Variants in GSE1 observed in about 807,000 individuals in gnomAD.
The protein encoded by GSE1 is Gse1 coiled-coil protein, also known as genetic suppressor element 1.
GSE1 carries 32 observed loss-of-function variants against 112.6 expected under a neutral mutation model. The ratio of observed to expected loss-of-function variants is 0.28; its 90% CI spans 0.21 to 0.38. The LOEUF is 0.38. Ranked by LOEUF, GSE1 falls within the 10% of genes least tolerant of loss-of-function variation. The pLI, the probability that GSE1 is intolerant of heterozygous loss-of-function variation, is 1.00. For missense variants in GSE1, 2,348 were observed against 1,699.2 expected (o/e 1.38, Z -6.71); for synonymous variants, 1,115 against 735.6 (o/e 1.52, Z -8.35).
intron 2 of GSE1, among the ~76,000 whole-genome samples, chr16:85,478,653 A>G (rs1197928727): frequency 2.0e-5 from 3 of 151,496 alleles, no homozygotes; most frequent in Non-Finnish European, 2.9e-5. Context: ...ACGTTCTTGC[A>G]TAAGGTTTTT....
intron 2 of GSE1, among the ~76,000 whole-genome samples, chr16:85,370,092 A>G (rs190420039): frequency 1.9e-4 from 29 of 152,226 alleles, no homozygotes; most frequent in Admixed American, 1.8e-3. Context: ...CAGGGGCTGG[A>G]TACTGGCCGG....
chr16:85,394,117 C>T (rs1212668066), intron 2 of GSE1, among the ~76,000 whole-genome samples: 2 of 150,358 alleles, frequency 1.3e-5, no homozygotes, highest in African/African-American at 2.4e-5. Context: ...AATGAACATT[C>T]GGGCTGTCGG....
At chr16:85,212,429 A>G (rs1003244852) in intron 1 of GSE1, among the ~76,000 whole-genome samples, 4 of 152,074 alleles carry the variant, frequency 2.6e-5, no homozygotes, top group Admixed American at 2.0e-4. Context: ...CAAAAAAACA[A>G]ACCTGGGGTA....
chr16:85,543,973 G>A (rs149966371), intron 2 of GSE1, among the ~76,000 whole-genome samples: 1 of 152,312 alleles, frequency 6.6e-6, no homozygotes, highest in East Asian at 1.9e-4. Flanking sequence ...AAGTAGCTGG[G>A]ACTACAGGCG....
chr16:85,369,051 G>A lies in GSE1; in HGVS notation c.2464+11408G>A, dbSNP rs75176918. ...ACTTGGTGGCTTAAACCAAAAGCTT[G>A]TTCCCTTACAGTTCTGGAGGTCAGA... On this transcript the variant is annotated intron_variant, in intron 2 of 2. Transcript: ENST00000637419. Among the ~76,000 whole-genome samples the A allele has an allele frequency of 5.0e-3, 765 of 152,300 alleles. 6 individuals carry two copies. The highest frequency in any genetic ancestry group is 0.017 in the African/African-American group (721 of 41,564).
At chr16:85,642,999 G>A (rs149501236) in intron 2 of GSE1, among the ~76,000 whole-genome samples, 3 of 152,146 alleles carry the variant, frequency 2.0e-5, no homozygotes, top group African/African-American at 7.2e-5. Flanking sequence ...GACTCTTCAG[G>A]GGGTGCCGGT....
In GSE1 at chr16:85,450,855, G is replaced by A. The variant is rs369794280; in HGVS notation, c.2464+93212G>A. Among the ~76,000 whole-genome samples, 9 of 152,042 alleles carry A rather than the reference G, an allele frequency of 5.9e-5. No individual in the cohort carries two copies. In the East Asian group the frequency reaches 7.8e-4, roughly 13 times the overall value. On this transcript the variant is annotated intron_variant, in intron 2 of 2. Coordinates refer to the GSE1 transcript ENST00000637419. ...GTGGGCCGATCACCTAAGGTTAGGCGTTCGAGACCAGCCTGGCCAATATGG... is the reference window on the plus strand; with the variant it reads ...GTGGGCCGATCACCTAAGGTTAGGCATTCGAGACCAGCCTGGCCAATATGG...
chr16:85,669,172 G>C (rs568967734), intron 14 of GSE1, among the ~76,000 whole-genome samples: 1 of 152,372 alleles, frequency 6.6e-6, no homozygotes, highest in African/African-American at 2.4e-5. Context: ...CCCCTTTGGG[G>C]AACAGCAGAG....
At chr16:85,313,860 A>G (rs1411158288) in intron 1 of GSE1, among the ~76,000 whole-genome samples, 1 of 152,184 alleles carries the variant, frequency 6.6e-6, no homozygotes, top group Non-Finnish European at 1.5e-5. Context: ...GGAGGACCCA[A>G]GATACATGAA....
Position 85,672,714 on chromosome 16 carries a change from A to AT in GSE1, c.*176dup. 2.3e-6 allele frequency: 1 copy of AT among 436,444 alleles called. No individual in the cohort carries two copies. Among genetic ancestry groups the AT allele is most frequent in the Non-Finnish European group, 4.0e-6 (1 of 248,642 alleles). The allele number at this position is 436,444 out of a possible 1,614,324, so 27.0% of individuals were successfully genotyped here. A position where few individuals can be genotyped will look rare whatever the true frequency, so the allele number is the denominator to read the frequency against. ...AATGAATGAACTCACCTTGACGTCAATGCAATTGAATCACCGTTGTCATTC... is the reference window on the plus strand; with the variant it reads ...AATGAATGAACTCACCTTGACGTCAATTGCAATTGAATCACCGTTGTCATTC... On this transcript the variant is annotated 3_prime_UTR_variant, in exon 16 of 16. Coordinates refer to ENST00000253458, the MANE Select transcript of GSE1 (RefSeq NM_014615.5).
intron 1 of GSE1, among the ~76,000 whole-genome samples, chr16:85,273,483 G>A (rs981077365): frequency 5.3e-5 from 8 of 152,334 alleles, no homozygotes; most frequent in African/African-American, 1.7e-4. Flanking sequence ...ATAAAAAGGA[G>A]TGAAGTGCAG....
chr16:85,363,890 C>T (rs1366784798), intron 2 of GSE1, among the ~76,000 whole-genome samples: 2 of 152,200 alleles, frequency 1.3e-5, no homozygotes, highest in East Asian at 1.9e-4. Flanking sequence ...AGGTCCCTTC[C>T]CTCTGCCTGC....
rs757684729 is a variant in GSE1 at position 85,269,417 on chromosome 16, C to T, written c.2284-88046C>T. Among the ~76,000 whole-genome samples the T allele has an allele frequency of 1.2e-4, 18 of 146,488 alleles. 1 individual carries two copies. The highest frequency in any genetic ancestry group is 2.5e-4 in the African/African-American group (10 of 39,674). ...TCTGCGTCAGCGCAGGGTGGGAATA[C>T]GCCTGTTAGCATGAGTGTGTGGGTG... On this transcript the variant is annotated intron_variant, in intron 1 of 2. Coordinates refer to the GSE1 transcript ENST00000637419.
At chr16:85,529,371 T>C (rs2052472232) in intron 2 of GSE1, among the ~76,000 whole-genome samples, 1 of 152,234 alleles carries the variant, frequency 6.6e-6, no homozygotes, top group Non-Finnish European at 1.5e-5. Context: ...CAGCCATGTT[T>C]TCTTAGCTCC....
At chr16:85,570,463 CAG>C (rs959837669) in intron 1 of GSE1, among the ~76,000 whole-genome samples, 1 of 152,200 alleles carries the variant, frequency 6.6e-6, no homozygotes, top group African/African-American at 2.4e-5. Context: ...TCCCAGCCTG[CAG>C]AGAGAGTCAT....
At chr16:85,315,925 T>TGG (rs944365346) in intron 1 of GSE1, among the ~76,000 whole-genome samples, 1 of 144,888 alleles carries the variant, frequency 6.9e-6, no homozygotes, top group African/African-American at 2.6e-5. Flanking sequence ...GAAGCCCTAG[T>TGG]GGGAGGGGGG....
In GSE1 at chr16:85,601,641, T is replaced by C. The variant is rs527373584; in HGVS notation, c.37+45278T>C. On this transcript the variant is annotated intron_variant, in intron 1 of 2. Coordinates refer to the GSE1 transcript ENST00000635906. Reference sequence around the variant, plus strand: ...TCTCCACACCAGGAACTTCGAGCGATGAAAACAACTTTGTCCATCTAACCT... The same window carrying C: ...TCTCCACACCAGGAACTTCGAGCGACGAAAACAACTTTGTCCATCTAACCT... Among the ~76,000 whole-genome samples the C allele has an allele frequency of 6.6e-5, 10 of 152,328 alleles. No individual in the cohort carries two copies. The South Asian group carries it at 1.7e-3, about 25-fold the overall frequency.
At chr16:85,312,789 C>T (rs994989427) in intron 1 of GSE1, among the ~76,000 whole-genome samples, 9 of 151,508 alleles carry the variant, frequency 5.9e-5, no homozygotes, top group African/African-American at 9.7e-5. Flanking sequence ...AGAGGAGGAG[C>T]AGGGCAGGAG....
chr16:85,509,311 C>T (rs1165332358), intron 2 of GSE1, among the ~76,000 whole-genome samples: 1 of 152,116 alleles, frequency 6.6e-6, no homozygotes, highest in Non-Finnish European at 1.5e-5. Flanking sequence ...TGGTGGGGGA[C>T]CGGGGCTGCG....
Sources: gnomAD v4.1 joint callset for allele counts (sites outside exome capture counted in the v4.1 genomes callset) on GRCh38, gnomAD v4.1.1 for gene constraint, MANE v1.5 for transcripts, NCBI Gene and HGNC (gene_info 2026-07-23, HGNC 2026-07-21) for gene names.